Variants in KIAA1549 observed in about 807,000 individuals in gnomAD.
The protein encoded by KIAA1549 is UPF0606 protein KIAA1549.
A neutral mutation model predicts 156.4 loss-of-function variants in KIAA1549; 70 were observed. The ratio of observed to expected loss-of-function variants is 0.45; its 90% CI spans 0.37 to 0.55. The LOEUF is 0.55. Ranked by LOEUF, KIAA1549 falls within the 20% of genes least tolerant of loss-of-function variation. The probability of loss-of-function intolerance (pLI) is 0.00; values close to 1 mark genes in which losing one functional copy is unlikely to be tolerated. For missense variants in KIAA1549, 2,428 were observed against 2,540.9 expected (o/e 0.96, Z 0.96); for synonymous variants, 1,103 against 1,066.4 (o/e 1.03, Z -0.67).
chr7:138,894,965 C>T (rs985095737), intron 9 of KIAA1549, among the ~76,000 whole-genome samples: 4 of 152,172 alleles, frequency 2.6e-5, no homozygotes, highest in African/African-American at 4.8e-5. Flanking sequence ...CATCAAGTAC[C>T]GCAGGACTCA....
At chr7:138,913,464 G>A (rs1219878247) in intron 2 of KIAA1549, among the ~76,000 whole-genome samples, 6 of 152,078 alleles carry the variant, frequency 3.9e-5, no homozygotes, top group Admixed American at 6.5e-5. Flanking sequence ...TTTAGTAAGC[G>A]TGTTCTTCTT....
intron 1 of KIAA1549, among the ~76,000 whole-genome samples, chr7:138,950,951 C>T (rs937399330): frequency 6.6e-6 from 1 of 152,026 alleles, no homozygotes; most frequent in Non-Finnish European, 1.5e-5. Flanking sequence ...GACCACCTCG[C>T]CCTCACCTCG....
At chr7:138,905,433 C>CACAT (rs1811978668) in intron 6 of KIAA1549, among the ~76,000 whole-genome samples, 1 of 152,196 alleles carries the variant, frequency 6.6e-6, no homozygotes, top group African/African-American at 2.4e-5. Flanking sequence ...GTAAAGTGAC[C>CACAT]ACATGCGTTG....
chr7:138,901,173 T>A (rs569051215), intron 8 of KIAA1549, among the ~76,000 whole-genome samples: 1 of 152,096 alleles, frequency 6.6e-6, no homozygotes, highest in Non-Finnish European at 1.5e-5. Context: ...GCAAAAAATA[T>A]ATATAAAGAA....
At chr7:138,893,694 A>G (rs1313691601) in intron 10 of KIAA1549, among the ~76,000 whole-genome samples, 1 of 152,248 alleles carries the variant, frequency 6.6e-6, no homozygotes, top group Non-Finnish European at 1.5e-5. Flanking sequence ...CAACTGACCA[A>G]TGGAGTTGTA....
At chr7:138,942,998 C>T (rs1397106585) in intron 1 of KIAA1549, among the ~76,000 whole-genome samples, 1 of 152,188 alleles carries the variant, frequency 6.6e-6, no homozygotes, top group African/African-American at 2.4e-5. Flanking sequence ...TCTGCTGTCT[C>T]CAGCAACCTA....
At chr7:138,852,329 C>G (rs529576910) in intron 16 of KIAA1549, 60 bp from the exon 17 acceptor site, 51 of 1,132,542 alleles carry the variant, frequency 4.5e-5, no homozygotes, top group Non-Finnish European at 6.5e-5. Context: ...AAAGTGACAA[C>G]AGCAAACTTA....
chr7:138,853,807 T>C (rs1306642896), intron 16 of KIAA1549, among the ~76,000 whole-genome samples: 1 of 152,116 alleles, frequency 6.6e-6, no homozygotes, highest in Admixed American at 6.5e-5. Context: ...TGAGACTACA[T>C]AGAGATTATT....
At position 138,871,344 on chromosome 7, in the gene KIAA1549, G is replaced by A. The variant is rs368254955; in HGVS notation, c.4364C>T (p.Ser1455Leu). 1.5e-5 allele frequency: 23 copies of A among 1,557,154 alleles called. No homozygotes were observed. The highest frequency in any genetic ancestry group is 1.4e-4 in the Admixed American group (7 of 51,282). Reference protein sequence around the residue: ...APQSGPPLPSSGNEQHSSASI... With the variant: ...APQSGPPLPSLGNEQHSSASI... The stretch of plus-strand genomic sequence containing the variant: ...GGCTGATGAGTGCTGCTCATTTCCC[G>A]AACTGGGCAGTGGTGGCCCTGGAAC... Residue 1455 changes from serine to leucine, a missense_variant, in exon 13 of 20, where the codon TCG (serine) becomes TTG (leucine). Coordinates refer to ENST00000422774, the MANE Select transcript of KIAA1549 (RefSeq NM_001164665.2).
At chr7:138,957,988 T>C (rs539081605) in intron 1 of KIAA1549, among the ~76,000 whole-genome samples, 1 of 152,386 alleles carries the variant, frequency 6.6e-6, no homozygotes, top group African/African-American at 2.4e-5. Flanking sequence ...TGTGCATCTC[T>C]GCATATATTG....
chr7:138,878,745 G>A (rs1396823890), intron 12 of KIAA1549, among the ~76,000 whole-genome samples: 1 of 140,894 alleles, frequency 7.1e-6, no homozygotes, highest in East Asian at 1.9e-4. Context: ...CTCAGTGATA[G>A]AGCAAGACCC....
In KIAA1549 at chr7:138,942,859, G is replaced by A. The variant is rs887785124; in HGVS notation, c.188-23421C>T. Among the ~76,000 whole-genome samples the A allele has an allele frequency of 9.2e-5, 14 of 151,674 alleles. No homozygotes were observed. The South Asian group carries it at 1.5e-3, about 16-fold the overall frequency. On this transcript the variant is annotated intron_variant, in intron 1 of 19. Transcript: ENST00000422774. ...CAGGAGGTGGAGGTTGCAGTGAGCC[G>A]AGATCGTGCCACTGCACTCCAGCCT...
chr7:138,915,713 G>A (rs1053951074), intron 2 of KIAA1549, among the ~76,000 whole-genome samples: 2 of 151,798 alleles, frequency 1.3e-5, no homozygotes, highest in East Asian at 1.9e-4. Context: ...CTCTTCTGCC[G>A]TTTTCGTCCC....
chr7:138,885,050 A>C (rs1386476869), intron 10 of KIAA1549, among the ~76,000 whole-genome samples: 2 of 151,924 alleles, frequency 1.3e-5, no homozygotes, highest in Non-Finnish European at 2.9e-5. Flanking sequence ...ACAAAATTAG[A>C]CGGGCGTGGT....
rs114554685 is a variant in KIAA1549 at position 138,967,026 on chromosome 7, G to A, written c.187+14057C>T. Among the ~76,000 whole-genome samples, 1,120 of 152,210 alleles carry A rather than the reference G, an allele frequency of 7.4e-3. 11 individuals carry two copies. The highest frequency in any genetic ancestry group is 0.024 in the African/African-American group (992 of 41,520). On this transcript the variant is annotated intron_variant, in intron 1 of 19. Transcript: ENST00000422774. Reference sequence around the variant, plus strand: ...AACACCCAGATCAAAACTGCAACTCGTCAGTCCAAGCTGTTTATCTGCTGC... The same window carrying A: ...AACACCCAGATCAAAACTGCAACTCATCAGTCCAAGCTGTTTATCTGCTGC...
chr7:138,981,158 G>T lies in KIAA1549; in HGVS notation c.112C>A (p.Arg38Ser), dbSNP rs940130374. ...SGRRPSARCA[R>S]RRRPGLLLPG... ...AGCAGCAGCCCCGGGCGGCGGCGGC[G>T]GGCGCAGCGGGCGGAAGGCCGTCGG... The change falls in exon 1 of 20, where the codon CGC becomes AGC. Residue 38 changes from arginine to serine, a missense_variant. By Grantham distance (110) the Arg-to-Ser change is moderately radical. Around this residue, in one of 5 missense-constraint regions of KIAA1549, gnomAD observed 893 missense variants for 847.9 expected, o/e 1.05. Coordinates refer to ENST00000422774, the MANE Select transcript of KIAA1549 (RefSeq NM_001164665.2). This position sits in a 1 kb window ranked among gnomAD's most constrained non-coding sequence, Gnocchi z 4.5. The T allele has an allele frequency of 8.5e-7, 1 of 1,178,872 alleles. No individual in the cohort carries two copies. The highest frequency in any genetic ancestry group is 1.0e-6 in the Non-Finnish European group (1 of 953,576). 73.0% of individuals were successfully genotyped at this position (1,178,872 alleles called of 1,614,324 possible).
chr7:138,861,481 G>C, intron 15 of KIAA1549, 25 bp from the exon 16 acceptor site: 2 of 1,576,538 alleles, frequency 1.3e-6, no homozygotes, highest in East Asian at 2.3e-5. Flanking sequence ...GGCAAAGGAA[G>C]AATCACACAT....
intron 18 of KIAA1549, among the ~76,000 whole-genome samples, chr7:138,841,678 C>T (rs774103088): frequency 2.6e-4 from 40 of 152,160 alleles, no homozygotes; most frequent in Admixed American, 1.2e-3. Context: ...GCACCTCCTC[C>T]GTCTTTAAGT....
chr7:138,970,614 T>C (rs536397611), intron 1 of KIAA1549, among the ~76,000 whole-genome samples: 9 of 152,210 alleles, frequency 5.9e-5, no homozygotes, highest in Admixed American at 5.9e-4. Context: ...AAAAAGTCGA[T>C]GCAGTAGGCC....
Sources: gnomAD v4.1 joint callset for allele counts (sites outside exome capture counted in the v4.1 genomes callset) on GRCh38, gnomAD v4.1.1 for gene constraint, gnomAD v4.1.1 regional missense constraint, Gnocchi (gnomAD v3.1) non-coding constraint, MANE v1.5 for transcripts, NCBI Gene and HGNC (gene_info 2026-07-23, HGNC 2026-07-21) for gene names.